The following DNM3 variants were observed in gnomAD, a reference collection of about 807,000 sequenced individuals.
DNM3 encodes the protein dynamin-3.
Under a neutral mutation model 101.6 loss-of-function variants are expected in DNM3, and 47 were observed. The ratio of observed to expected loss-of-function variants is 0.46; its 90% CI spans 0.37 to 0.59. The LOEUF is 0.59. Among genes scored for constraint, DNM3 ranks in the 20% least tolerant of loss-of-function variants. The pLI is 0.00. For missense variants in DNM3, 849 were observed against 1,085.7 expected (o/e 0.78, Z 3.06); for synonymous variants, 385 against 387.9 (o/e 0.99, Z 0.09).
chr1:172,297,142 CAA>C (rs767532426), intron 15 of DNM3, among the ~76,000 whole-genome samples: 8,787 of 110,876 alleles, frequency 0.079, 282 homozygotes, highest in Middle Eastern at 0.13. Context: ...AACTCCATCT[CAA>C]AAAAAAAAAA....
chr1:172,191,736 C>A (rs1322409977), intron 14 of DNM3, among the ~76,000 whole-genome samples: 3 of 152,024 alleles, frequency 2.0e-5, no homozygotes, highest in Non-Finnish European at 4.4e-5. Context: ...CTTCACATCC[C>A]TTGTAAGTTG....
At chr1:172,388,980 A>T in intron 20 of DNM3, 171 bp downstream of exon 20, 1 of 630,128 alleles carries the variant, frequency 1.6e-6, no homozygotes, top group Non-Finnish European at 2.8e-6. Flanking sequence ...TATGCCATTT[A>T]AAAATCACTT....
chr1:172,015,550 T>A (rs1399782997), intron 4 of DNM3, among the ~76,000 whole-genome samples: 2 of 152,176 alleles, frequency 1.3e-5, no homozygotes, highest in African/African-American at 4.8e-5. Context: ...GTAATGTACT[T>A]TTAATTTCAA....
intron 16 of DNM3, among the ~76,000 whole-genome samples, chr1:172,315,986 G>T: frequency 6.6e-6 from 1 of 152,154 alleles, no homozygotes; most frequent in Non-Finnish European, 1.5e-5. Context: ...GGCAGCCAGA[G>T]AGAAAGGTCG....
intron 2 of DNM3, among the ~76,000 whole-genome samples, chr1:171,954,468 T>C (rs1246740091): frequency 2.0e-5 from 3 of 152,206 alleles, no homozygotes; most frequent in Non-Finnish European, 4.4e-5. Context: ...TTACCCTTCT[T>C]TAATTTCTGG....
chr1:171,973,610 A>T (rs1029154906), intron 2 of DNM3, among the ~76,000 whole-genome samples: 11 of 151,948 alleles, frequency 7.2e-5, no homozygotes, highest in Non-Finnish European at 1.3e-4. Context: ...GAAGTTAAGT[A>T]ATTTCTCAGT....
chr1:172,151,107 T>C lies in DNM3; in HGVS notation c.1659+19819T>C, dbSNP rs2058108845. ...ATATAAGTGTGTATGTATTTGTATATATATTTAAACTAGATCATCTCTATG... is the reference window on the plus strand; with the variant it reads ...ATATAAGTGTGTATGTATTTGTATACATATTTAAACTAGATCATCTCTATG... On this transcript the variant is annotated intron_variant, in intron 14 of 20. Transcript: ENST00000627582. 2.0e-5 allele frequency among the ~76,000 whole-genome samples: 3 copies of C among 152,194 alleles called. No homozygotes were observed. In the South Asian group the frequency reaches 6.2e-4, roughly 32 times the overall value.
intron 2 of DNM3, among the ~76,000 whole-genome samples, chr1:171,980,253 T>C (rs1345071294): frequency 4.0e-5 from 6 of 151,760 alleles, no homozygotes; most frequent in Admixed American, 3.9e-4. Flanking sequence ...ATAACTAAAC[T>C]AAAATTCTAG....
intron 10 of DNM3, among the ~76,000 whole-genome samples, chr1:172,063,427 G>A (rs1221450408): frequency 6.6e-6 from 1 of 151,098 alleles, no homozygotes; most frequent in Non-Finnish European, 1.5e-5. Context: ...TTTATATTGA[G>A]GTTCCACCAA....
chr1:172,388,779 G>A lies in DNM3; in HGVS notation c.2492G>A (p.Arg831Lys). The A allele has an allele frequency of 6.3e-7, 1 of 1,596,664 alleles. No individual in the cohort carries two copies. The change falls in exon 20 of 21, where the codon AGG (arginine) becomes AAG (lysine). Residue 831 changes from arginine (R) to lysine (K), a missense_variant. Arg to Lys is a conservative substitution (Grantham distance 26). Transcript: ENST00000627582. The part of the protein sequence containing the change: ...SFGAPPQVPS[R>K]PTRAPPSVPS... ...GGAGCCCCTCCACAAGTTCCATCTA[G>A]GCCTACGAGGGCCCCGCCCAGTGTC...
At chr1:171,980,125 G>A (rs1459335414) in intron 2 of DNM3, among the ~76,000 whole-genome samples, 1 of 146,536 alleles carries the variant, frequency 6.8e-6, no homozygotes, top group Non-Finnish European at 1.5e-5. Flanking sequence ...ACTCCCTGAG[G>A]TTAATTGTTT....
chr1:172,242,691 C>CCTT (rs1450959500), intron 14 of DNM3, among the ~76,000 whole-genome samples: 1 of 152,194 alleles, frequency 6.6e-6, no homozygotes, highest in African/African-American at 2.4e-5. Context: ...GATCCTCCTG[C>CCTT]CTTGGCTCCC....
At chr1:172,061,785 A>G (rs1018576552) in intron 10 of DNM3, among the ~76,000 whole-genome samples, 1 of 152,096 alleles carries the variant, frequency 6.6e-6, no homozygotes, top group Admixed American at 6.5e-5. Flanking sequence ...CCAGCATGGC[A>G]CATGTATACA....
chr1:172,182,454 T>C (rs888134737), intron 14 of DNM3, among the ~76,000 whole-genome samples: 1 of 152,090 alleles, frequency 6.6e-6, no homozygotes, highest in African/African-American at 2.4e-5. Flanking sequence ...AAAACACACT[T>C]TTTCCCTCAA....
intron 15 of DNM3, among the ~76,000 whole-genome samples, chr1:172,301,255 A>G (rs2064433524): frequency 1.3e-5 from 2 of 152,346 alleles, no homozygotes; most frequent in African/African-American, 4.8e-5. Context: ...TAATTCCAGC[A>G]CTTTAGGAGG....
intron 14 of DNM3, chr1:172,131,777 A>G (rs1385331664): frequency 5.1e-6 from 2 of 392,102 alleles, no homozygotes; most frequent in Non-Finnish European, 1.0e-5. Context: ...TGAGTCTCAG[A>G]TCATTGTTTA....
At chr1:172,272,490 A>T (rs1017062633) in intron 15 of DNM3, among the ~76,000 whole-genome samples, 7 of 152,288 alleles carry the variant, frequency 4.6e-5, no homozygotes, top group Non-Finnish European at 8.8e-5. Context: ...TTGCACCATC[A>T]GTGCAATGTT....
intron 2 of DNM3, among the ~76,000 whole-genome samples, chr1:171,942,050 T>G (rs1231533629): frequency 6.6e-6 from 1 of 152,140 alleles, no homozygotes; most frequent in Non-Finnish European, 1.5e-5. Flanking sequence ...TTTTTGTTCA[T>G]ATGTTTGAAT....
In DNM3 at chr1:172,179,004, T is replaced by A. The variant is rs114299979; in HGVS notation, c.1659+47716T>A. Among the ~76,000 whole-genome samples the A allele has an allele frequency of 3.7e-3, 565 of 152,098 alleles. 9 individuals carry two copies. The highest frequency in any genetic ancestry group is 0.013 in the African/African-American group (539 of 41,532). ...TGCTTTGAACTGCTGGGTGAGCTAA[T>A]ACTCTAAAGCCAGGGCGGTGATAGT... On this transcript the variant is annotated intron_variant, in intron 14 of 20. Coordinates refer to ENST00000627582, the MANE Select transcript of DNM3 (RefSeq NM_015569.5).
Sources: gnomAD v4.1 joint callset for allele counts (sites outside exome capture counted in the v4.1 genomes callset) on GRCh38, gnomAD v4.1.1 for gene constraint, MANE v1.5 for transcripts, NCBI Gene and HGNC (gene_info 2026-07-23, HGNC 2026-07-21) for gene names.